The following XDH variants were observed in gnomAD, a reference collection of about 807,000 sequenced individuals.
XDH encodes xanthine dehydrogenase/oxidase.
In XDH, 138 loss-of-function variants were observed where a neutral mutation model predicts 156.1. That is an observed-to-expected ratio of 0.88 (90% confidence interval 0.77 to 1.02). XDH has a LOEUF of 1.02. Ranked by LOEUF, XDH falls within the 50% of genes least tolerant of loss-of-function variation. The pLI is 0.00. For synonymous variants in XDH, 669 were observed against 625.7 expected (o/e 1.07, Z -1.03); for missense variants, 1,849 against 1,684.9 (o/e 1.10, Z -1.71).
chr2:31,348,743 A>T (rs190683421), intron 27 of XDH, among the ~76,000 whole-genome samples, 156 bp downstream of exon 27: 15 of 152,364 alleles, frequency 9.8e-5, no homozygotes, highest in South Asian at 6.2e-4. Flanking sequence ...CTGGACAAAT[A>T]GGACTGTGCA....
At chr2:31,370,738 G>A (rs1242161287) in intron 17 of XDH, among the ~76,000 whole-genome samples, 1 of 152,218 alleles carries the variant, frequency 6.6e-6, no homozygotes, top group Non-Finnish European at 1.5e-5. Flanking sequence ...AGTGGCTCAT[G>A]CCTATAATCC....
chr2:31,388,123 G>T, intron 7 of XDH, 104 bp downstream of exon 7: 1 of 1,339,370 alleles, frequency 7.5e-7, no homozygotes, highest in Non-Finnish European at 1.1e-6. Context: ...ACTCACCGTA[G>T]GTTCCTCTTC....
At chr2:31,375,656 T>A (rs1686226512) in intron 14 of XDH, 102 bp from the exon 15 acceptor site, 1 of 1,419,188 alleles carries the variant, frequency 7.0e-7, no homozygotes, top group Non-Finnish European at 9.6e-7. Context: ...AAAGCTTGGT[T>A]CAAAATTTGG....
chr2:31,381,302 C>A (rs1572549176), intron 12 of XDH, among the ~76,000 whole-genome samples: 1 of 152,254 alleles, frequency 6.6e-6, no homozygotes, highest in African/African-American at 2.4e-5. Flanking sequence ...CCGCACTTGG[C>A]CTGATTTTTA....
At chr2:31,375,229 T>G in intron 15 of XDH, 151 bp downstream of exon 15, 1 of 1,073,674 alleles carries the variant, frequency 9.3e-7, no homozygotes, top group Non-Finnish European at 1.4e-6. Context: ...AGCTGGTCAC[T>G]CCCATTTCCA....
intron 1 of XDH, among the ~76,000 whole-genome samples, chr2:31,412,952 C>A (rs751892182): frequency 6.6e-6 from 1 of 152,074 alleles, no homozygotes; most frequent in Non-Finnish European, 1.5e-5. Flanking sequence ...TGTGATGGTA[C>A]CATCGAAAAA....
chr2:31,394,074 G>T lies in XDH; in HGVS notation c.495+3594C>A, dbSNP rs998306752. 3.9e-4 allele frequency among the ~76,000 whole-genome samples: 60 copies of T among 152,016 alleles called. 1 individual carries two copies. Among genetic ancestry groups the T allele is most frequent in the African/African-American group, 1.4e-3 (59 of 41,520 alleles). On this transcript the variant is annotated intron_variant, in intron 6 of 35. Coordinates refer to ENST00000379416, the MANE Select transcript of XDH (RefSeq NM_000379.4). ...AATTGCTATCTGTTAGACCAATTAAGATTAAGAAAAATAAAAATTTTTATT... is the reference window on the plus strand; with the variant it reads ...AATTGCTATCTGTTAGACCAATTAATATTAAGAAAAATAAAAATTTTTATT...
chr2:31,392,468 A>G (rs1686794102), intron 6 of XDH, among the ~76,000 whole-genome samples: 1 of 151,956 alleles, frequency 6.6e-6, no homozygotes, highest in African/African-American at 2.4e-5. Flanking sequence ...TCTGTCACCC[A>G]GGCTGGAGTG....
intron 18 of XDH, 41 bp from the exon 19 acceptor site, chr2:31,368,701 C>T (rs1322051641): frequency 6.2e-7 from 1 of 1,614,048 alleles, no homozygotes; most frequent in Non-Finnish European, 8.5e-7. Context: ...CAACCAGGCT[C>T]ATGGTGAAAC....
chr2:31,358,488 CATGA>C (rs1402881414), intron 24 of XDH, among the ~76,000 whole-genome samples: 11 of 152,078 alleles, frequency 7.2e-5, no homozygotes, highest in African/African-American at 2.7e-4. Context: ...CAATATTTCT[CATGA>C]ATATGGATCC....
At chr2:31,389,854 GT>G (rs138232551) in intron 6 of XDH, among the ~76,000 whole-genome samples, 10 of 144,798 alleles carry the variant, frequency 6.9e-5, no homozygotes, top group East Asian at 3.9e-4. Flanking sequence ...AAAAAAAAAA[GT>G]TTTTTTTTTA....
At chr2:31,351,299 C>T (rs1328489692) in intron 24 of XDH, among the ~76,000 whole-genome samples, 1 of 151,956 alleles carries the variant, frequency 6.6e-6, no homozygotes, top group Non-Finnish European at 1.5e-5. Flanking sequence ...ATTTTTTCAT[C>T]TGCTTCATTT....
chr2:31,404,850 G>C lies in XDH; in HGVS notation c.100+1057C>G, dbSNP rs2148009464. 6.6e-5 allele frequency among the ~76,000 whole-genome samples: 10 copies of C among 152,326 alleles called. 2 individuals carry two copies. The South Asian group carries it at 2.1e-3, about 32-fold the overall frequency. ...AGCCAACCACTGTACTGTCTGATAGGAGGGGAGCAAACCAGAGTGAAAGCA... is the reference window on the plus strand; with the variant it reads ...AGCCAACCACTGTACTGTCTGATAGCAGGGGAGCAAACCAGAGTGAAAGCA... On this transcript the variant is annotated intron_variant, in intron 2 of 35. Transcript: ENST00000379416.
chr2:31,370,555 T>G, intron 17 of XDH, 77 bp from the exon 18 acceptor site: 2 of 1,587,596 alleles, frequency 1.3e-6, no homozygotes, highest in Non-Finnish European at 1.7e-6. Flanking sequence ...GACAACCCTG[T>G]TCTTATTTTG....
In XDH at chr2:31,379,978, T is replaced by G. The variant is rs771153083; in HGVS notation, c.1133-2A>C. ...CCATCTGGACAGTTCTCCTGGTGCC[T>G]GTACAGAAGCAAGATGAAGAGGAGC... On this transcript the variant is annotated splice_acceptor_variant, in intron 12 of 35. Coordinates refer to ENST00000379416, the MANE Select transcript of XDH (RefSeq NM_000379.4). LOFTEE classifies it high-confidence loss of function. 1.6e-5 allele frequency: 26 copies of G among 1,613,684 alleles called. No homozygotes were observed. In the Admixed American group the frequency reaches 3.5e-4, roughly 22 times the overall value.
At chr2:31,377,416 G>T (rs1425076720) in intron 13 of XDH, among the ~76,000 whole-genome samples, 179 bp from the exon 14 acceptor site, 1 of 151,952 alleles carries the variant, frequency 6.6e-6, no homozygotes, top group East Asian at 1.9e-4. Context: ...TTTAGGAGAG[G>T]TTCCAGATAA....
chr2:31,346,369 C>T (rs1685292100), intron 30 of XDH, among the ~76,000 whole-genome samples: 1 of 152,152 alleles, frequency 6.6e-6, no homozygotes, highest in Admixed American at 6.5e-5. Flanking sequence ...TCAGTAGACT[C>T]AGACTCAAGA....
chr2:31,341,055 T>A (rs888695060), intron 33 of XDH, among the ~76,000 whole-genome samples: 5 of 152,222 alleles, frequency 3.3e-5, no homozygotes, highest in Admixed American at 3.3e-4. Flanking sequence ...TGTGTGCATG[T>A]TCACATGTGC....
At chr2:31,386,986 A>AG (rs1686622557) in intron 8 of XDH, among the ~76,000 whole-genome samples, 1 of 18,440 alleles carries the variant, frequency 5.4e-5, no homozygotes, top group Non-Finnish European at 1.0e-4. Context: ...GAGGGAGGGA[A>AG]GAAAGGAAGG....
Sources: allele counts gnomAD v4.1 joint callset (sites outside exome capture counted in the v4.1 genomes callset), GRCh38; gene constraint gnomAD v4.1.1; transcripts MANE v1.5; gene names NCBI Gene and HGNC (gene_info 2026-07-23, HGNC 2026-07-21).